Variants in SPRED1 observed in about 807,000 individuals in gnomAD.
The protein encoded by SPRED1 is sprouty-related, EVH1 domain-containing protein 1.
A neutral mutation model predicts 52.3 loss-of-function variants in SPRED1; 18 were observed. The observed-to-expected ratio is 0.34, with a 90% confidence interval of 0.24 to 0.51. The LOEUF (loss-of-function observed/expected upper bound fraction) is 0.51, where lower values mean the gene tolerates loss of function less well. Ranked by LOEUF, SPRED1 falls within the 20% of genes least tolerant of loss-of-function variation. SPRED1 has a pLI of 0.97. For missense variants in SPRED1, 485 were observed against 551.0 expected (o/e 0.88, Z 1.20); for synonymous variants, 155 against 179.7 (o/e 0.86, Z 1.10).
rs1436940100 is a variant in SPRED1 at position 38,352,042 on chromosome 15, AC to A, written c.*379del. ...GGACACGAACTAAAAATAAAAGTGC[AC>A]TAGGGGACAGTTGATTTCAATCTAA... On this transcript the variant is annotated 3_prime_UTR_variant, in exon 7 of 7. Transcript: ENST00000299084. The A allele has an allele frequency of 4.5e-6, 1 of 220,740 alleles. No individual in the cohort carries two copies. The highest frequency in any genetic ancestry group is 1.2e-4 in the East Asian group (1 of 8,394). The allele number at this position is 220,740 out of a possible 1,614,324, so 13.7% of individuals were successfully genotyped here.
At chr15:38,303,649 GT>G (rs1218900684) in intron 2 of SPRED1, among the ~76,000 whole-genome samples, 1 of 151,898 alleles carries the variant, frequency 6.6e-6, no homozygotes, top group African/African-American at 2.4e-5. Context: ...ATCTAAAGTA[GT>G]TTTTCTTTAG....
At chr15:38,308,936 C>T (rs190685161) in intron 2 of SPRED1, among the ~76,000 whole-genome samples, 3 of 152,258 alleles carry the variant, frequency 2.0e-5, no homozygotes, top group Non-Finnish European at 2.9e-5. Flanking sequence ...TGCCACATTG[C>T]CACCAGCGGT....
chr15:38,348,165 C>T (rs550983389), intron 5 of SPRED1, among the ~76,000 whole-genome samples: 87 of 152,004 alleles, frequency 5.7e-4, no homozygotes, highest in African/African-American at 2.1e-3. Context: ...AAAAATTGTT[C>T]TCTCTGCTTC....
At chr15:38,328,786 C>T (rs1194560357) in intron 4 of SPRED1, among the ~76,000 whole-genome samples, 1 of 152,056 alleles carries the variant, frequency 6.6e-6, no homozygotes, top group Non-Finnish European at 1.5e-5. Context: ...GTGGCATGAT[C>T]TCAGCTCACT....
chr15:38,323,745 C>T (rs952638877), intron 3 of SPRED1, among the ~76,000 whole-genome samples: 6 of 152,064 alleles, frequency 3.9e-5, no homozygotes, highest in African/African-American at 1.4e-4. Context: ...TTGATTCTAA[C>T]CTTTAGCCAG....
chr15:38,280,712 C>G (rs1225689251), intron 1 of SPRED1, among the ~76,000 whole-genome samples: 1 of 152,104 alleles, frequency 6.6e-6, no homozygotes, highest in Non-Finnish European at 1.5e-5. Context: ...ATCAAAAGCC[C>G]TTGTTTGCCA....
At chr15:38,320,369 G>C (rs954959397) in intron 2 of SPRED1, among the ~76,000 whole-genome samples, 55 of 152,262 alleles carry the variant, frequency 3.6e-4, no homozygotes, top group Non-Finnish European at 5.0e-4. Context: ...TGTAGTTTAA[G>C]GATTTGGCAA....
chr15:38,317,415 A>G (rs558224628), intron 2 of SPRED1, among the ~76,000 whole-genome samples: 8 of 152,014 alleles, frequency 5.3e-5, no homozygotes, highest in East Asian at 1.9e-4. Context: ...TTCTCCTACA[A>G]AGTAAATAAT....
chr15:38,339,681 G>T, intron 4 of SPRED1, 56 bp from the exon 5 acceptor site: 1 of 1,531,436 alleles, frequency 6.5e-7, no homozygotes, highest in South Asian at 1.1e-5. Context: ...ATCTTATTTT[G>T]TGGTGGTGGT....
chr15:38,348,952 G>T (rs952371716), intron 5 of SPRED1, among the ~76,000 whole-genome samples: 5 of 152,098 alleles, frequency 3.3e-5, no homozygotes, highest in Admixed American at 6.5e-5. Flanking sequence ...TAATTTGGTG[G>T]TTTTTATTAT....
intron 2 of SPRED1, among the ~76,000 whole-genome samples, chr15:38,300,944 C>T (rs577793907): frequency 1.3e-5 from 2 of 151,724 alleles, no homozygotes; most frequent in African/African-American, 2.4e-5. Context: ...TTTTAGAAAC[C>T]GAGTAAAATG....
intron 1 of SPRED1, among the ~76,000 whole-genome samples, chr15:38,260,190 C>A (rs1894179068): frequency 6.6e-6 from 1 of 152,172 alleles, no homozygotes; most frequent in African/African-American, 2.4e-5. Flanking sequence ...GGTCCAAAAT[C>A]AAAAAGTTGG....
chr15:38,349,438 C>T lies in SPRED1; in HGVS notation c.599C>T (p.Pro200Leu), dbSNP rs778144652. The T allele has an allele frequency of 6.2e-7, 1 of 1,612,100 alleles. No homozygotes were observed. The highest frequency in any genetic ancestry group is 1.1e-5 in the South Asian group (1 of 91,044). ...SQANQITFGQPGLDIQSRSME... is the reference protein window; with the variant it reads ...SQANQITFGQLGLDIQSRSME... ...GTATTTTAGATAACATTTGGTCAGC[C>T]AGGCTTGGACATTCAGAGCAGAAGT... Residue 200 changes from proline (P) to leucine (L), a missense_variant, in exon 6 of 7, where the codon CCA becomes CTA. This residue lies in a region of SPRED1 where 232 missense variants were observed against 231.8 expected (regional missense o/e 1.00). Coordinates refer to ENST00000299084, the MANE Select transcript of SPRED1 (RefSeq NM_152594.3).
chr15:38,329,380 T>G (rs1895767519), intron 4 of SPRED1, among the ~76,000 whole-genome samples: 1 of 152,196 alleles, frequency 6.6e-6, no homozygotes, highest in Non-Finnish European at 1.5e-5. Flanking sequence ...TAATTTTGCT[T>G]TAGGCAAGGG....
At chr15:38,258,136 ATAAC>A (rs2140947034) in intron 1 of SPRED1, among the ~76,000 whole-genome samples, 1 of 152,374 alleles carries the variant, frequency 6.6e-6, no homozygotes, top group South Asian at 2.1e-4. Flanking sequence ...CTGCCATTAA[ATAAC>A]AGCTGCTAAA....
chr15:38,328,909 T>G (rs1595750237), intron 4 of SPRED1, among the ~76,000 whole-genome samples: 2 of 151,912 alleles, frequency 1.3e-5, no homozygotes, highest in Non-Finnish European at 1.5e-5. Flanking sequence ...AGAAACGGGG[T>G]TTTGCCACGT....
intron 3 of SPRED1, 97 bp from the exon 4 acceptor site, chr15:38,324,666 T>A (rs1374129328): frequency 2.1e-5 from 20 of 952,870 alleles, no homozygotes; most frequent in Non-Finnish European, 3.2e-6. Flanking sequence ...CTCTGATTAG[T>A]CTTCTAAAGT....
At chr15:38,342,261 C>G (rs1896047184) in intron 5 of SPRED1, among the ~76,000 whole-genome samples, 1 of 151,564 alleles carries the variant, frequency 6.6e-6, no homozygotes, top group African/African-American at 2.4e-5. Flanking sequence ...AGTGGTTATC[C>G]TAGAGATTAC....
At chr15:38,290,835 T>G (rs1449881478) in intron 1 of SPRED1, among the ~76,000 whole-genome samples, 1 of 152,174 alleles carries the variant, frequency 6.6e-6, no homozygotes, top group Non-Finnish European at 1.5e-5. Context: ...TTCTGAGAGA[T>G]ACAATTTAAG....
Sources: allele counts gnomAD v4.1 joint callset (sites outside exome capture counted in the v4.1 genomes callset), GRCh38; gene constraint gnomAD v4.1.1; regional missense constraint gnomAD v4.1.1; transcripts MANE v1.5; gene names NCBI Gene and HGNC (gene_info 2026-07-23, HGNC 2026-07-21).